TMEM45A: variants seen among roughly 807,000 people sequenced by gnomAD.
TMEM45A encodes DNA polymerase-transactivated protein 4.
TMEM45A carries 25 observed loss-of-function variants against 32.0 expected under a neutral mutation model. The observed-to-expected ratio is 0.78, with a 90% confidence interval of 0.57 to 1.09. The LOEUF is 1.09. TMEM45A is among the 50% of genes least tolerant of loss of function. TMEM45A has a pLI of 0.00. For missense variants in TMEM45A, 302 were observed against 325.0 expected, an observed-to-expected ratio of 0.93 and a Z score of 0.54; for synonymous variants, 122 against 114.8, an observed-to-expected ratio of 1.06 and a Z score of -0.40.
intron 1 of TMEM45A, among the ~76,000 whole-genome samples, chr3:100,514,581 C>G (rs544751673): frequency 6.6e-6 from 1 of 151,424 alleles, no homozygotes; most frequent in Admixed American, 6.6e-5. Context: ...GACTTCATGT[C>G]TAAAACACCA....
At chr3:100,543,041 C>G (rs192357887) in intron 1 of TMEM45A, among the ~76,000 whole-genome samples, 2 of 152,186 alleles carry the variant, frequency 1.3e-5, no homozygotes, top group Non-Finnish European at 2.9e-5. Context: ...CATATATCCA[C>G]TAAAATAAAA....
chr3:100,562,154 C>T (rs151083415), intron 4 of TMEM45A, among the ~76,000 whole-genome samples: 5 of 151,194 alleles, frequency 3.3e-5, no homozygotes, highest in Admixed American at 1.3e-4. Flanking sequence ...TTAAACTAGT[C>T]GAAACCAGAT....
chr3:100,504,615 G>T lies in TMEM45A; in HGVS notation c.-4+11687G>T, dbSNP rs73860684. Among the ~76,000 whole-genome samples, 13 of 152,150 alleles carry T rather than the reference G, an allele frequency of 8.5e-5. No homozygotes were observed. In the East Asian group the frequency reaches 9.6e-4, roughly 11 times the overall value. The stretch of plus-strand genomic sequence containing the variant: ...CATCTGGCCCTGCCTGTATCCACCC[G>T]CTTTCATCTCCTCCCTTGCCCGCTG... On this transcript the variant is annotated intron_variant, in intron 1 of 5. Transcript: ENST00000323523.
chr3:100,515,814 G>A (rs1708253289), intron 1 of TMEM45A, among the ~76,000 whole-genome samples: 1 of 152,116 alleles, frequency 6.6e-6, no homozygotes, highest in Admixed American at 6.6e-5. Context: ...AAAGTAGAGA[G>A]TAGAATGGTG....
intron 1 of TMEM45A, among the ~76,000 whole-genome samples, chr3:100,536,893 T>C (rs1299318068): frequency 6.6e-6 from 1 of 152,164 alleles, no homozygotes; most frequent in Non-Finnish European, 1.5e-5. Flanking sequence ...ATCATATTTG[T>C]TTGTATTTTG....
chr3:100,540,639 A>T (rs1465451413), intron 1 of TMEM45A, among the ~76,000 whole-genome samples: 1 of 152,204 alleles, frequency 6.6e-6, no homozygotes, highest in Non-Finnish European at 1.5e-5. Context: ...GCAGTGTCTT[A>T]CAAAGATAAC....
chr3:100,572,503 C>T (rs898664564), intron 5 of TMEM45A: 2 of 150,976 alleles, frequency 1.3e-5, no homozygotes. Flanking sequence ...GATACTAGCC[C>T]TTTGTCAGAT....
At position 100,509,741 on chromosome 3, in the gene TMEM45A, G is replaced by A. The variant is rs149227688; in HGVS notation, c.-4+16813G>A. ...CTCACTAGGGAGTGCCAGACAGTGG[G>A]TGCAGGTCAGTGGGTGCGCGCACCG... On this transcript the variant is annotated intron_variant, in intron 1 of 5. Transcript: ENST00000323523. Among the ~76,000 whole-genome samples the A allele has an allele frequency of 5.1e-4, 78 of 152,278 alleles. 1 individual carries two copies. In the East Asian group the frequency reaches 0.011, roughly 22 times the overall value.
At chr3:100,498,430 T>C (rs1576253719) in intron 1 of TMEM45A, among the ~76,000 whole-genome samples, 1 of 152,232 alleles carries the variant, frequency 6.6e-6, no homozygotes, top group African/African-American at 2.4e-5. Context: ...GAAGAGAGAA[T>C]TCTGCCTCCA....
intron 1 of TMEM45A, among the ~76,000 whole-genome samples, chr3:100,500,319 G>C (rs957865418): frequency 3.3e-5 from 5 of 152,088 alleles, no homozygotes. Flanking sequence ...CAGAGATCTC[G>C]TGAACATACT....
chr3:100,566,173 T>C (rs57404153), intron 4 of TMEM45A, among the ~76,000 whole-genome samples: 78,114 of 151,916 alleles, frequency 0.51, 21,998 homozygotes, highest in African/African-American at 0.76. Context: ...TATCAGTTTT[T>C]GAATATTTGG....
intron 3 of TMEM45A, among the ~76,000 whole-genome samples, chr3:100,557,983 T>C (rs903783851): frequency 2.0e-5 from 3 of 152,248 alleles, no homozygotes; most frequent in Non-Finnish European, 2.9e-5. Context: ...CTCATCTGAA[T>C]TATTGCACTT....
In TMEM45A at chr3:100,500,722, C is replaced by T. The variant is rs188541605; in HGVS notation, c.-4+7794C>T. ...TGGCAACAGGTCCAGAGGCAAATGA[C>T]TCCTTCCTTCCTGCTGTTTTATGCA... On this transcript the variant is annotated intron_variant, in intron 1 of 5. Transcript: ENST00000323523. Among the ~76,000 whole-genome samples the T allele has an allele frequency of 7.9e-4, 120 of 152,328 alleles. 1 individual carries two copies. Among genetic ancestry groups the T allele is most frequent in the Non-Finnish European group, 1.5e-3 (104 of 68,020 alleles).
intron 5 of TMEM45A, chr3:100,573,213 T>C (rs1706607992): frequency 6.6e-6 from 1 of 151,386 alleles, no homozygotes; most frequent in African/African-American, 2.4e-5. Flanking sequence ...TTTCACGATA[T>C]TGATTCTTCC....
At chr3:100,575,423 A>G (rs10049153) in intron 5 of TMEM45A, among the ~76,000 whole-genome samples, 2,636 of 119,314 alleles carry the variant, frequency 0.022, 54 homozygotes, top group African/African-American at 0.066. Flanking sequence ...CCCAGGCTGG[A>G]GTGCAGTGGC....
intron 1 of TMEM45A, among the ~76,000 whole-genome samples, chr3:100,531,609 T>C (rs1321934374): frequency 1.3e-5 from 2 of 152,192 alleles, no homozygotes; most frequent in Admixed American, 6.5e-5. Context: ...ATTGCTATCA[T>C]GATGGTAGTA....
At chr3:100,561,888 G>A (rs1184021238) in intron 4 of TMEM45A, among the ~76,000 whole-genome samples, 1 of 152,156 alleles carries the variant, frequency 6.6e-6, no homozygotes, top group Non-Finnish European at 1.5e-5. Context: ...CCAAACGAAA[G>A]CTCAGCCTTT....
chr3:100,564,635 A>C (rs1266345629), intron 4 of TMEM45A, among the ~76,000 whole-genome samples: 2 of 152,114 alleles, frequency 1.3e-5, no homozygotes, highest in African/African-American at 4.8e-5. Context: ...GGCACATGCC[A>C]CCAGGCCTAG....
At chr3:100,540,493 A>G (rs1047664101) in intron 1 of TMEM45A, among the ~76,000 whole-genome samples, 1 of 152,226 alleles carries the variant, frequency 6.6e-6, no homozygotes, top group African/African-American at 2.4e-5. Context: ...GTGAGATACT[A>G]CTATACACCT....
Sources: allele counts gnomAD v4.1 joint callset (sites outside exome capture counted in the v4.1 genomes callset), GRCh38; gene constraint gnomAD v4.1.1; transcripts MANE v1.5; gene names NCBI Gene and HGNC (gene_info 2026-07-23, HGNC 2026-07-21).